Variants in PTPRD observed in about 807,000 individuals in gnomAD.
PTPRD encodes receptor-type tyrosine-protein phosphatase delta.
In PTPRD, 34 loss-of-function variants were observed where a neutral mutation model predicts 214.5. The observed-to-expected ratio is 0.16, with a 90% CI of 0.12 to 0.21. PTPRD has a LOEUF of 0.21. Ranked by LOEUF, PTPRD falls within the 10% of genes least tolerant of loss-of-function variation. The pLI, the probability that PTPRD is intolerant of heterozygous loss-of-function variation, is 1.00. For missense variants in PTPRD, 2,545 were observed against 2,398.7 expected (o/e 1.06, Z -1.27); for synonymous variants, 1,128 against 845.7 (o/e 1.33, Z -5.79).
At chr9:9,485,318 T>A (rs560205367) in intron 8 of PTPRD, among the ~76,000 whole-genome samples, 2 of 152,320 alleles carry the variant, frequency 1.3e-5, no homozygotes, top group African/African-American at 2.4e-5. Flanking sequence ...GGTTTTAGGC[T>A]TTAGAGTACT....
At chr9:9,152,070 T>A (rs936252794) in intron 10 of PTPRD, among the ~76,000 whole-genome samples, 34 of 152,236 alleles carry the variant, frequency 2.2e-4, no homozygotes, top group Non-Finnish European at 2.9e-5. Context: ...TGTTCTTTTC[T>A]GTCTTGATAA....
chr9:10,605,565 C>T (rs2079081290), intron 2 of PTPRD, among the ~76,000 whole-genome samples: 1 of 151,672 alleles, frequency 6.6e-6, no homozygotes, highest in Non-Finnish European at 1.5e-5. Context: ...GCCTAATAAG[C>T]AACACAGCTT....
At chr9:10,006,271 T>C (rs556590925) in intron 4 of PTPRD, among the ~76,000 whole-genome samples, 1 of 152,046 alleles carries the variant, frequency 6.6e-6, no homozygotes, top group Admixed American at 6.6e-5. Flanking sequence ...TACTTAGCAT[T>C]TGATACAAGC....
At chr9:10,233,080 T>G (rs933208826) in intron 3 of PTPRD, among the ~76,000 whole-genome samples, 1 of 152,162 alleles carries the variant, frequency 6.6e-6, no homozygotes, top group South Asian at 2.1e-4. Context: ...TGAAATTTGT[T>G]GATGGTGTTG....
intron 4 of PTPRD, among the ~76,000 whole-genome samples, chr9:9,954,798 C>G (rs1252701655): frequency 6.6e-6 from 1 of 151,982 alleles, no homozygotes; most frequent in Non-Finnish European, 1.5e-5. Flanking sequence ...ATACAAGTAA[C>G]TATATATACA....
intron 14 of PTPRD, among the ~76,000 whole-genome samples, chr9:8,591,283 G>C (rs1292744050): frequency 2.6e-5 from 4 of 152,266 alleles, no homozygotes; most frequent in Admixed American, 1.3e-4. Context: ...GGAACTAGTC[G>C]TGATTTGGAG....
At position 9,512,420 on chromosome 9, in the gene PTPRD, G is replaced by A. The variant is rs7027217; in HGVS notation, c.-237+62312C>T. Reference sequence around the variant, plus strand: ...AAGTATGCCCTTGAAAAGGTAGAAGGGTTATCTTCACATAAAGTAACAGTC... The same window carrying A: ...AAGTATGCCCTTGAAAAGGTAGAAGAGTTATCTTCACATAAAGTAACAGTC... On this transcript the variant is annotated intron_variant, in intron 8 of 45. Transcript: ENST00000381196. Among the ~76,000 whole-genome samples the A allele has an allele frequency of 3.9e-3, 596 of 151,742 alleles. 6 individuals are homozygous for A. The highest frequency in any genetic ancestry group is 0.013 in the African/African-American group (556 of 41,462).
chr9:10,396,748 T>G (rs998277435), intron 2 of PTPRD, among the ~76,000 whole-genome samples: 2 of 152,050 alleles, frequency 1.3e-5, no homozygotes, highest in African/African-American at 2.4e-5. Context: ...AACAATTGCC[T>G]GTAATGCAAT....
intron 12 of PTPRD, among the ~76,000 whole-genome samples, chr9:8,692,861 A>C (rs1351750379): frequency 6.6e-6 from 1 of 152,222 alleles, no homozygotes; most frequent in African/African-American, 2.4e-5. Context: ...CTTAATCCAC[A>C]AGACAATAGA....
chr9:10,133,514 T>G (rs1290572388), intron 3 of PTPRD, among the ~76,000 whole-genome samples: 3 of 152,000 alleles, frequency 2.0e-5, no homozygotes, highest in Non-Finnish European at 2.9e-5. Context: ...AGTACATAAA[T>G]GTGTACGTGC....
intron 8 of PTPRD, among the ~76,000 whole-genome samples, chr9:9,473,431 C>G (rs573939096): frequency 6.6e-6 from 1 of 152,104 alleles, no homozygotes; most frequent in Non-Finnish European, 1.5e-5. Context: ...CTGCAATAAA[C>G]GTGGAGGTGC....
intron 36 of PTPRD, among the ~76,000 whole-genome samples, chr9:8,400,830 C>G (rs769033973): frequency 1.3e-5 from 2 of 152,156 alleles, no homozygotes; most frequent in Non-Finnish European, 2.9e-5. Context: ...TGCCGCTTCA[C>G]TAGACTGTTG....
intron 11 of PTPRD, among the ~76,000 whole-genome samples, chr9:8,954,365 A>C (rs2099120099): frequency 6.6e-6 from 1 of 151,852 alleles, no homozygotes; most frequent in Non-Finnish European, 1.5e-5. Context: ...GCAGGAGGCA[A>C]GGGCTGAAAA....
intron 12 of PTPRD, among the ~76,000 whole-genome samples, chr9:8,650,136 T>G (rs1033336294): frequency 1.3e-5 from 2 of 152,122 alleles, no homozygotes; most frequent in African/African-American, 4.8e-5. Flanking sequence ...CAGACTGGTC[T>G]CAAATTCCTG....
intron 12 of PTPRD, among the ~76,000 whole-genome samples, chr9:8,717,326 C>T (rs544728968): frequency 1.4e-4 from 21 of 152,332 alleles, no homozygotes; most frequent in African/African-American, 4.8e-4. Context: ...TCCTCTCTGG[C>T]TGTCCCTTCT....
At chr9:9,142,617 G>T (rs1202355187) in intron 10 of PTPRD, among the ~76,000 whole-genome samples, 1 of 152,128 alleles carries the variant, frequency 6.6e-6, no homozygotes, top group Non-Finnish European at 1.5e-5. Context: ...AGCTTAACTA[G>T]AGATGTTTGT....
At chr9:10,490,179 T>A (rs2039725715) in intron 2 of PTPRD, among the ~76,000 whole-genome samples, 2 of 152,198 alleles carry the variant, frequency 1.3e-5, no homozygotes, top group African/African-American at 4.8e-5. Flanking sequence ...TATAGTTATT[T>A]TTCTCTATAT....
chr9:9,789,833 G>T lies in PTPRD; in HGVS notation c.-367-22982C>A, dbSNP rs570538468. Among the ~76,000 whole-genome samples, 3 of 142,164 alleles carry T rather than the reference G, an allele frequency of 2.1e-5. No homozygotes were observed. The South Asian group carries it at 6.6e-4, about 31-fold the overall frequency. The allele number at this position is 142,164 out of a possible 152,430, so 93.3% of individuals were successfully genotyped here. On this transcript the variant is annotated intron_variant, in intron 5 of 45. Transcript: ENST00000381196. Reference sequence around the variant, plus strand: ...AAAAAAAAAAAAAAAAAATTAAATCGAGTCGTAATTTATCAGGACAAGTGC... The same window carrying T: ...AAAAAAAAAAAAAAAAAATTAAATCTAGTCGTAATTTATCAGGACAAGTGC...
At chr9:9,662,290 G>A (rs957116976) in intron 7 of PTPRD, among the ~76,000 whole-genome samples, 5 of 151,600 alleles carry the variant, frequency 3.3e-5, no homozygotes, top group African/African-American at 9.7e-5. Context: ...AACTCTATAT[G>A]TAGTAGAAAA....
Sources: allele counts gnomAD v4.1 joint callset (sites outside exome capture counted in the v4.1 genomes callset), GRCh38; gene constraint gnomAD v4.1.1; transcripts MANE v1.5; gene names NCBI Gene and HGNC (gene_info 2026-07-23, HGNC 2026-07-21).